The following EBF1 variants were observed in gnomAD, a reference collection of about 807,000 sequenced individuals.
The protein encoded by EBF1 is transcription factor COE1.
In EBF1, 10 loss-of-function variants were observed where a neutral mutation model predicts 68.4. That is an observed-to-expected ratio of 0.15 (90% CI 0.09 to 0.25). EBF1 has a LOEUF of 0.25. Ranked by LOEUF, EBF1 falls within the 10% of genes least tolerant of loss-of-function variation. EBF1 has a pLI of 1.00. For missense variants in EBF1, 509 were observed against 794.4 expected, an observed-to-expected ratio of 0.64 and a Z score of 4.32; for synonymous variants, 298 against 299.8, an observed-to-expected ratio of 0.99 and a Z score of 0.06.
intron 4 of EBF1, among the ~76,000 whole-genome samples, 184 bp downstream of exon 4, chr5:159,095,436 C>A (rs1355657993): frequency 6.6e-6 from 1 of 152,202 alleles, no homozygotes; most frequent in Non-Finnish European, 1.5e-5. Flanking sequence ...GTCGAGCCCT[C>A]ATCCCCACGC....
At chr5:158,761,325 G>T (rs1024685850) in intron 10 of EBF1, among the ~76,000 whole-genome samples, 3 of 152,144 alleles carry the variant, frequency 2.0e-5, no homozygotes, top group Non-Finnish European at 4.4e-5. Flanking sequence ...CTGTCGGTTT[G>T]CTCCAAGCTT....
intron 6 of EBF1, among the ~76,000 whole-genome samples, chr5:159,042,894 T>C (rs1771527773): frequency 6.6e-6 from 1 of 151,796 alleles, no homozygotes; most frequent in Non-Finnish European, 1.5e-5. Flanking sequence ...AAATAGGATG[T>C]CATGACAGGG....
intron 4 of EBF1, among the ~76,000 whole-genome samples, chr5:159,092,436 A>T (rs553493327): frequency 6.6e-6 from 1 of 152,326 alleles, no homozygotes; most frequent in East Asian, 1.9e-4. Flanking sequence ...ATTTCTAATG[A>T]AGCTTCATCT....
At chr5:158,821,626 C>T (rs1375026600) in intron 8 of EBF1, among the ~76,000 whole-genome samples, 1 of 152,176 alleles carries the variant, frequency 6.6e-6, no homozygotes. Flanking sequence ...TGAGTATTTC[C>T]CTAATTTTTT....
intron 6 of EBF1, among the ~76,000 whole-genome samples, chr5:159,060,798 C>T (rs1775643343): frequency 6.6e-6 from 1 of 152,158 alleles, no homozygotes; most frequent in South Asian, 2.1e-4. Context: ...TCTCTGCCCT[C>T]CAATTGGTTC....
At position 158,858,002 on chromosome 5, in the gene EBF1, T is replaced by G. The variant is rs1271486276; in HGVS notation, c.555-17892A>C. Among the ~76,000 whole-genome samples, 4 of 152,202 alleles carry G rather than the reference T, an allele frequency of 2.6e-5. No homozygotes were observed. In the East Asian group the frequency reaches 5.8e-4, roughly 22 times the overall value. On this transcript the variant is annotated intron_variant, in intron 6 of 15. Transcript: ENST00000313708. ...CGTGGGCTCATCTGCAGAAATGTGT[T>G]AAAACTTTTTCTCCCTCTCCTCCAT...
rs1378702446 is a variant in EBF1, at chr5:158,698,483, G to GATAA, written c.*624_*627dup. 6 of 219,068 alleles carry GATAA rather than the reference G, an allele frequency of 2.7e-5. No homozygotes were observed. Among genetic ancestry groups the GATAA allele is most frequent in the African/African-American group, 1.3e-4 (6 of 44,556 alleles). 13.6% of individuals were successfully genotyped at this position (219,068 alleles called of 1,614,324 possible). On this transcript the variant is annotated 3_prime_UTR_variant, in exon 16 of 16. Coordinates refer to ENST00000313708, the MANE Select transcript of EBF1 (RefSeq NM_024007.5). ...TTGCTTAAGACAACAATACAAAAGA[G>GATAA]ATAAATAAGCTTGCACTGCTAAGGG...
chr5:159,032,642 G>C (rs1221876917), intron 6 of EBF1, among the ~76,000 whole-genome samples: 2 of 152,172 alleles, frequency 1.3e-5, no homozygotes, highest in Non-Finnish European at 2.9e-5. Context: ...ACCAGAGTCT[G>C]TCTGTCTCCC....
chr5:158,752,521 G>T (rs1769148662), intron 10 of EBF1, among the ~76,000 whole-genome samples: 1 of 152,000 alleles, frequency 6.6e-6, no homozygotes, highest in African/African-American at 2.4e-5. Context: ...CGTGACAAGA[G>T]AATGTTAAAG....
intron 10 of EBF1, among the ~76,000 whole-genome samples, chr5:158,740,299 G>A (rs1000593705): frequency 2.6e-5 from 4 of 152,020 alleles, no homozygotes; most frequent in African/African-American, 7.3e-5. Flanking sequence ...CTAACCAAAC[G>A]CGGAGTTCTG....
intron 6 of EBF1, among the ~76,000 whole-genome samples, chr5:159,071,587 T>C (rs1255667358): frequency 6.6e-6 from 1 of 152,180 alleles, no homozygotes; most frequent in Non-Finnish European, 1.5e-5. Flanking sequence ...CTAATTACAG[T>C]GCTGCTGAGT....
At chr5:158,748,196 C>T (rs1340034779) in intron 10 of EBF1, among the ~76,000 whole-genome samples, 5 of 152,168 alleles carry the variant, frequency 3.3e-5, no homozygotes, top group Admixed American at 3.3e-4. Flanking sequence ...GAATGGATCA[C>T]ACTTAAATAC....
At chr5:158,908,231 C>T (rs1805097635) in intron 6 of EBF1, among the ~76,000 whole-genome samples, 1 of 152,204 alleles carries the variant, frequency 6.6e-6, no homozygotes, top group East Asian at 1.9e-4. Flanking sequence ...AGGGTGTACA[C>T]ACCCATACAT....
At chr5:158,840,651 T>C (rs1790069818) in intron 6 of EBF1, among the ~76,000 whole-genome samples, 2 of 87,234 alleles carry the variant, frequency 2.3e-5, no homozygotes, top group African/African-American at 4.4e-5. Flanking sequence ...TCCTGTTTTT[T>C]TTTTTTTTTT....
intron 9 of EBF1, among the ~76,000 whole-genome samples, chr5:158,777,912 T>C (rs1190183418): frequency 6.6e-6 from 1 of 152,192 alleles, no homozygotes; most frequent in African/African-American, 2.4e-5. Context: ...GTGTTTGAAC[T>C]GAGCCTGTCA....
intron 8 of EBF1, among the ~76,000 whole-genome samples, chr5:158,814,370 G>T (rs1269138195): frequency 6.6e-6 from 1 of 152,060 alleles, no homozygotes; most frequent in African/African-American, 2.4e-5. Context: ...TTTACATAAA[G>T]TCCTGTCATT....
At chr5:158,847,968 C>T (rs892951823) in intron 6 of EBF1, among the ~76,000 whole-genome samples, 1 of 152,168 alleles carries the variant, frequency 6.6e-6, no homozygotes, top group African/African-American at 2.4e-5. Flanking sequence ...GCTTCAGTAA[C>T]AGCGACCCAC....
chr5:158,862,788 G>A (rs901072720), intron 6 of EBF1, among the ~76,000 whole-genome samples: 2 of 152,104 alleles, frequency 1.3e-5, no homozygotes, highest in African/African-American at 4.8e-5. Flanking sequence ...TAGGCTTTAA[G>A]GAAAATTCAA....
At position 158,810,869 on chromosome 5, in the gene EBF1, G is replaced by T. The variant is rs1333363781; in HGVS notation, c.778+12307C>A. Among the ~76,000 whole-genome samples the T allele has an allele frequency of 3.9e-5, 6 of 152,038 alleles. 1 individual carries two copies. The South Asian group carries it at 1.2e-3, about 32-fold the overall frequency. On this transcript the variant is annotated intron_variant, in intron 8 of 15. Coordinates refer to ENST00000313708, the MANE Select transcript of EBF1 (RefSeq NM_024007.5). Reference sequence around the variant, plus strand: ...TCTGGTTGCCCATGTTAGTGCTTCTGTTATAACTGACCAGCAGCATACGTT... The same window carrying T: ...TCTGGTTGCCCATGTTAGTGCTTCTTTTATAACTGACCAGCAGCATACGTT...
Sources: gnomAD v4.1 joint callset for allele counts (sites outside exome capture counted in the v4.1 genomes callset) on GRCh38, gnomAD v4.1.1 for gene constraint, MANE v1.5 for transcripts, NCBI Gene and HGNC (gene_info 2026-07-23, HGNC 2026-07-21) for gene names.